The following KIAA1328 variants were observed in gnomAD, a reference collection of about 807,000 sequenced individuals.
KIAA1328 encodes the protein protein hinderin.
KIAA1328 carries 52 observed loss-of-function variants against 68.1 expected under a neutral mutation model. The observed-to-expected ratio is 0.76, with a 90% CI of 0.61 to 0.96. KIAA1328 has a LOEUF of 0.96. KIAA1328 is among the 40% of genes least tolerant of loss of function. KIAA1328 has a pLI of 0.00. For missense variants in KIAA1328, 641 were observed against 677.6 expected (o/e 0.95, Z 0.60); for synonymous variants, 232 against 239.4 (o/e 0.97, Z 0.28).
At chr18:37,043,974 A>G (rs1246370855) in intron 6 of KIAA1328, among the ~76,000 whole-genome samples, 1 of 152,238 alleles carries the variant, frequency 6.6e-6, no homozygotes, top group Non-Finnish European at 1.5e-5. Flanking sequence ...AAATCATACA[A>G]TAAAAACACA....
At chr18:36,835,433 C>G in intron 3 of KIAA1328, 57 bp downstream of exon 3, 2 of 1,489,640 alleles carry the variant, frequency 1.3e-6, no homozygotes, top group Middle Eastern at 3.6e-4. Context: ...TGAGTGCTGA[C>G]CAAAAAGGGT....
Position 36,844,282 on chromosome 18 carries a change from C to G in KIAA1328, c.312C>G (p.Asn104Lys). The G allele has an allele frequency of 6.2e-7, 1 of 1,602,114 alleles. No homozygotes were observed. Among genetic ancestry groups the G allele is most frequent in the South Asian group, 1.1e-5 (1 of 88,854 alleles). ...TTGAAGACAAAAGACGCATTGCAAA[C>G]TTAATTAAAGAACTGGCCAGGTGAG... Reference protein sequence around the residue: ...LCLEDKRRIANLIKELARVSE... With the variant: ...LCLEDKRRIAKLIKELARVSE... Residue 104 changes from asparagine (N) to lysine (K), a missense_variant, in exon 4 of 10, where the codon AAC (asparagine) becomes AAG (lysine). Physicochemically the swap from Asn to Lys is moderately conservative, Grantham distance 94 (BLOSUM62 0). Transcript: ENST00000280020.
chr18:37,069,019 TA>T (rs1335745113), intron 7 of KIAA1328, among the ~76,000 whole-genome samples: 8 of 152,168 alleles, frequency 5.3e-5, no homozygotes, highest in African/African-American at 1.9e-4. Context: ...TGTTACGGAT[TA>T]TATAAAGTTT....
intron 6 of KIAA1328, among the ~76,000 whole-genome samples, chr18:37,011,322 A>G (rs1364893896): frequency 3.3e-5 from 5 of 152,190 alleles, no homozygotes; most frequent in Non-Finnish European, 7.3e-5. Flanking sequence ...AGTAAATGGC[A>G]TTCCCATTCT....
intron 4 of KIAA1328, among the ~76,000 whole-genome samples, chr18:36,853,199 T>A (rs562841146): frequency 4.6e-5 from 7 of 152,294 alleles, no homozygotes; most frequent in African/African-American, 1.7e-4. Context: ...GATTATCTTC[T>A]GGGGAATATA....
intron 9 of KIAA1328, among the ~76,000 whole-genome samples, chr18:37,189,459 T>C (rs187499865): frequency 2.3e-4 from 35 of 152,344 alleles, no homozygotes; most frequent in African/African-American, 6.0e-4. Context: ...AAGATGAAGA[T>C]AGTATAGAAT....
intron 6 of KIAA1328, among the ~76,000 whole-genome samples, chr18:36,975,571 G>A (rs2052438696): frequency 6.6e-6 from 1 of 152,198 alleles, no homozygotes; most frequent in Admixed American, 6.5e-5. Flanking sequence ...CAATTTGCCA[G>A]GCACCCTTCA....
chr18:36,846,790 T>G (rs2047044705), intron 4 of KIAA1328, among the ~76,000 whole-genome samples: 1 of 151,554 alleles, frequency 6.6e-6, no homozygotes, highest in Non-Finnish European at 1.5e-5. Flanking sequence ...ACACCTAACA[T>G]AAAATTTACC....
intron 6 of KIAA1328, among the ~76,000 whole-genome samples, chr18:37,019,172 C>G (rs765450083): frequency 5.3e-5 from 8 of 151,978 alleles, no homozygotes; most frequent in South Asian, 2.1e-4. Context: ...TCCCCACCCC[C>G]CTCCGAGTGT....
At chr18:37,053,395 A>G (rs1047802605) in intron 6 of KIAA1328, among the ~76,000 whole-genome samples, 3 of 152,186 alleles carry the variant, frequency 2.0e-5, no homozygotes, top group East Asian at 1.9e-4. Flanking sequence ...AGAAGAAAAT[A>G]TAGGAAAAAC....
intron 7 of KIAA1328, among the ~76,000 whole-genome samples, chr18:37,105,124 C>T (rs138051090): frequency 2.6e-5 from 4 of 152,270 alleles, no homozygotes; most frequent in Admixed American, 2.6e-4. Context: ...GACTGATTAA[C>T]ATGAGTGGGG....
chr18:36,844,945 A>C (rs2046978081), intron 4 of KIAA1328, among the ~76,000 whole-genome samples: 4 of 151,880 alleles, frequency 2.6e-5, no homozygotes, highest in Admixed American at 6.6e-5. Context: ...CATACCTAAA[A>C]GTTGATAAAA....
At chr18:37,106,220 G>A (rs562747107) in intron 7 of KIAA1328, among the ~76,000 whole-genome samples, 1 of 152,102 alleles carries the variant, frequency 6.6e-6, no homozygotes, top group South Asian at 2.1e-4. Flanking sequence ...GTTACAACAT[G>A]GATAAACCTT....
chr18:37,060,637 A>G (rs1568351436), intron 6 of KIAA1328, among the ~76,000 whole-genome samples: 1 of 152,336 alleles, frequency 6.6e-6, no homozygotes, highest in Non-Finnish European at 1.5e-5. Context: ...GCCAAGATAA[A>G]TAAATGCATA....
chr18:37,109,813 G>A (rs1232796494), intron 7 of KIAA1328, among the ~76,000 whole-genome samples: 1 of 152,066 alleles, frequency 6.6e-6, no homozygotes. Flanking sequence ...AATAATATAG[G>A]TGGGATTGGA....
intron 3 of KIAA1328, among the ~76,000 whole-genome samples, chr18:36,836,569 C>G (rs1452580966): frequency 6.6e-6 from 1 of 152,096 alleles, no homozygotes; most frequent in Non-Finnish European, 1.5e-5. Flanking sequence ...CTTATGTGCA[C>G]AGACCCCAAA....
intron 6 of KIAA1328, among the ~76,000 whole-genome samples, chr18:37,060,693 G>T (rs139779545): frequency 6.6e-6 from 1 of 152,112 alleles, no homozygotes; most frequent in Non-Finnish European, 1.5e-5. Flanking sequence ...TGGCAAAAAC[G>T]CAATTACTTT....
intron 7 of KIAA1328, among the ~76,000 whole-genome samples, chr18:37,139,056 A>G (rs1297185648): frequency 7.1e-6 from 1 of 141,140 alleles, no homozygotes; most frequent in Non-Finnish European, 1.5e-5. Context: ...TCCCGGGTTC[A>G]CGCCATTCTC....
downstream of KIAA1328, chr18:37,232,049 T>G (rs1174980409): frequency 6.6e-6 from 1 of 152,216 alleles, no homozygotes; most frequent in African/African-American, 2.4e-5. Flanking sequence ...TTTGCTATGT[T>G]TTCCAGGGAC....
Sources: allele counts gnomAD v4.1 joint callset (sites outside exome capture counted in the v4.1 genomes callset), GRCh38; gene constraint gnomAD v4.1.1; transcripts MANE v1.5; gene names NCBI Gene and HGNC (gene_info 2026-07-23, HGNC 2026-07-21).